CIMAP1D: variants seen among roughly 807,000 people sequenced by gnomAD.
The protein encoded by CIMAP1D is protein CIMAP1D.
chr19:474,395 G>A, the CIMAP1D span, among the ~76,000 whole-genome samples: 6 of 152,230 alleles, frequency 3.9e-5, no homozygotes, highest in African/African-American at 9.6e-5. Context: ...AAGGGGACCC[G>A]GCTGGCAAAG....
chr19:469,856 C>T, the CIMAP1D span, among the ~76,000 whole-genome samples: 1 of 152,124 alleles, frequency 6.6e-6, no homozygotes, highest in South Asian at 2.1e-4. Context: ...TGGCCTCTAC[C>T]CTGCACCTGG....
chr19:487,950 G>A, the CIMAP1D span, among the ~76,000 whole-genome samples: 1 of 152,186 alleles, frequency 6.6e-6, no homozygotes, highest in Non-Finnish European at 1.5e-5. Flanking sequence ...GAAAAGCACT[G>A]TGAAAACCCT....
chr19:488,559 C>T, the CIMAP1D span, among the ~76,000 whole-genome samples: 1 of 152,250 alleles, frequency 6.6e-6, no homozygotes, highest in African/African-American at 2.4e-5. Flanking sequence ...AACTAACGAG[C>T]GCCCTCGTCC....
chr19:488,298 A>G, the CIMAP1D span, among the ~76,000 whole-genome samples: 4 of 151,644 alleles, frequency 2.6e-5, no homozygotes, highest in African/African-American at 4.8e-5. Flanking sequence ...TGAGGCGGGC[A>G]GATCACGAGG....
chr19:480,528 G>T, the CIMAP1D span, among the ~76,000 whole-genome samples: 1 of 121,998 alleles, frequency 8.2e-6, no homozygotes, highest in South Asian at 2.6e-4. Flanking sequence ...AAGGATGATG[G>T]GGAAGGATGA....
chr19:470,414 T>C, the CIMAP1D span, among the ~76,000 whole-genome samples: 2 of 151,792 alleles, frequency 1.3e-5, no homozygotes, highest in African/African-American at 4.8e-5. Flanking sequence ...AGTTTCACCA[T>C]GTTAGCCAGG....
chr19:472,206 G>C, the CIMAP1D span, among the ~76,000 whole-genome samples: 1 of 152,174 alleles, frequency 6.6e-6, no homozygotes, highest in Non-Finnish European at 1.5e-5. Context: ...AAAAAACAGA[G>C]AGGGACAGCA....
the CIMAP1D span, among the ~76,000 whole-genome samples, chr19:485,723 C>G: frequency 9.9e-5 from 15 of 152,228 alleles, no homozygotes; most frequent in Non-Finnish European, 2.1e-4. Context: ...GAGGGTGCGA[C>G]AGCTGGGAGG....
At chr19:467,721 C>T in the CIMAP1D span, 1 of 1,610,710 alleles carries the variant, frequency 6.2e-7, no homozygotes, top group Non-Finnish European at 8.5e-7. Flanking sequence ...ACTTTGGGGT[C>T]CAAGAAGTAG....
the CIMAP1D span, among the ~76,000 whole-genome samples, chr19:472,776 C>G: frequency 6.6e-6 from 1 of 151,450 alleles, no homozygotes; most frequent in East Asian, 1.9e-4. Flanking sequence ...CAGAGATACA[C>G]GGTCACAGGT....
the CIMAP1D span, chr19:474,818 C>CG: frequency 7.7e-7 from 1 of 1,298,918 alleles, no homozygotes; most frequent in South Asian, 1.7e-5. Flanking sequence ...GCAGCTCTGG[C>CG]GGCCACAGGC....
chr19:483,416 G>A, the CIMAP1D span, among the ~76,000 whole-genome samples: 1 of 152,174 alleles, frequency 6.6e-6, no homozygotes, highest in Non-Finnish European at 1.5e-5. Flanking sequence ...GCTCCTCCCC[G>A]ACAGACCTCC....
the CIMAP1D span, chr19:489,059 G>C: frequency 6.6e-5 from 10 of 152,148 alleles, no homozygotes; most frequent in African/African-American, 2.4e-4. Context: ...ACACGCCCCG[G>C]CGCCCCGCGC....
chr19:483,556 A>C, the CIMAP1D span, among the ~76,000 whole-genome samples: 2 of 152,162 alleles, frequency 1.3e-5, no homozygotes, highest in Non-Finnish European at 2.9e-5. Context: ...GATTGCCCCC[A>C]GGGGACGCTG....
the CIMAP1D span, among the ~76,000 whole-genome samples, chr19:474,435 T>C: frequency 0.018 from 2,720 of 152,198 alleles, 88 homozygotes; most frequent in African/African-American, 0.062. Context: ...AGACACATAC[T>C]CGGGGCTCAC....
At chr19:481,576 A>C in the CIMAP1D span, among the ~76,000 whole-genome samples, 1 of 147,222 alleles carries the variant, frequency 6.8e-6, no homozygotes, top group Admixed American at 6.8e-5. Flanking sequence ...GATGGTGGGA[A>C]GGATGATGGA....
At chr19:476,210 G>A in the CIMAP1D span, among the ~76,000 whole-genome samples, 1 of 151,646 alleles carries the variant, frequency 6.6e-6, no homozygotes, top group Non-Finnish European at 1.5e-5. Context: ...ACTCCACCAT[G>A]TCCAGCTAAT....
At chr19:488,889 A>G in the CIMAP1D span, among the ~76,000 whole-genome samples, 2 of 151,722 alleles carry the variant, frequency 1.3e-5, no homozygotes, top group Non-Finnish European at 2.9e-5. Context: ...ACGCAAGGGC[A>G]GCCGGGGCGC....
chr19:488,656 C>T, the CIMAP1D span, among the ~76,000 whole-genome samples: 1 of 152,374 alleles, frequency 6.6e-6, no homozygotes, highest in Middle Eastern at 3.4e-3. Context: ...GCCGGAAGCC[C>T]CGCAGCCCCT....
Sources: allele counts gnomAD v4.1 joint callset (sites outside exome capture counted in the v4.1 genomes callset), GRCh38; gene constraint gnomAD v4.1.1; transcripts MANE v1.5; gene names NCBI Gene and HGNC (gene_info 2026-07-23, HGNC 2026-07-21).